Variants in NALF1 observed in about 807,000 individuals in gnomAD.
NALF1 encodes NALCN channel auxiliary factor 1.
NALF1 carries 3 observed loss-of-function variants against 48.4 expected under a neutral mutation model. The ratio of observed to expected loss-of-function variants is 0.06; its 90% CI spans 0.03 to 0.16. The LOEUF (loss-of-function observed/expected upper bound fraction) is 0.16. Ranked by LOEUF, NALF1 falls within the 10% of genes least tolerant of loss-of-function variation. The probability of loss-of-function intolerance (pLI) is 1.00; values close to 1 mark genes in which losing one functional copy is unlikely to be tolerated. For synonymous variants in NALF1, 262 were observed against 245.7 expected (o/e 1.07, Z -0.62); for missense variants, 526 against 571.5 (o/e 0.92, Z 0.81).
Position 107,650,144 on chromosome 13 carries a change from A to G in NALF1, c.915+215538T>C, listed in dbSNP as rs535649214. 3.3e-5 allele frequency among the ~76,000 whole-genome samples: 5 copies of G among 152,206 alleles called. No homozygotes were observed. In the East Asian group the frequency reaches 9.7e-4, roughly 29 times the overall value. ...GTTTTTGTCCCTGGTGGCATATCCT[A>G]CACTGTCATTAATGATATAGTTTCG... On this transcript the variant is annotated intron_variant, in intron 1 of 2. Coordinates refer to ENST00000375915, the MANE Select transcript of NALF1 (RefSeq NM_001080396.3).
At chr13:107,650,478 G>A (rs1371524923) in intron 1 of NALF1, among the ~76,000 whole-genome samples, 2 of 151,324 alleles carry the variant, frequency 1.3e-5, no homozygotes, top group Admixed American at 6.6e-5. Context: ...GAAGTAACTC[G>A]GGAAGGGAAA....
intron 2 of NALF1, among the ~76,000 whole-genome samples, chr13:107,181,150 A>G (rs895644176): frequency 6.6e-6 from 1 of 151,616 alleles, no homozygotes; most frequent in African/African-American, 2.4e-5. Flanking sequence ...TGTATTATCA[A>G]AGATACAACT....
intron 1 of NALF1, among the ~76,000 whole-genome samples, chr13:107,325,851 C>CATAT (rs1409352115): frequency 0.017 from 857 of 51,114 alleles, 6 homozygotes; most frequent in African/African-American, 0.04. Context: ...AACACACACA[C>CATAT]ACACATATAT....
chr13:107,776,498 A>G (rs567637523), intron 1 of NALF1, among the ~76,000 whole-genome samples: 139 of 152,348 alleles, frequency 9.1e-4, no homozygotes, highest in Middle Eastern at 3.4e-3. Flanking sequence ...AACGCGGTGA[A>G]CACTATCACT....
chr13:107,174,806 C>T (rs1160275912), intron 2 of NALF1, among the ~76,000 whole-genome samples: 1 of 151,922 alleles, frequency 6.6e-6, no homozygotes, highest in Non-Finnish European at 1.5e-5. Flanking sequence ...TGGAGTTGTG[C>T]ATGGAATCCT....
At chr13:107,370,827 G>A (rs1210320927) in intron 1 of NALF1, among the ~76,000 whole-genome samples, 4 of 152,152 alleles carry the variant, frequency 2.6e-5, no homozygotes, top group African/African-American at 4.8e-5. Flanking sequence ...ATGCAAACAC[G>A]TCCTTCTTCA....
chr13:107,607,990 T>C (rs975659063), intron 1 of NALF1, among the ~76,000 whole-genome samples: 16 of 152,236 alleles, frequency 1.1e-4, no homozygotes, highest in Admixed American at 5.2e-4. Context: ...AGCACCTCTA[T>C]GTGAAACTCT....
At chr13:107,514,918 C>T (rs934520268) in intron 1 of NALF1, among the ~76,000 whole-genome samples, 1 of 152,138 alleles carries the variant, frequency 6.6e-6, no homozygotes, top group Non-Finnish European at 1.5e-5. Flanking sequence ...CAGATCTGAC[C>T]TTTGTTTATT....
intron 1 of NALF1, among the ~76,000 whole-genome samples, chr13:107,236,321 G>T (rs1427028749): frequency 1.3e-5 from 2 of 152,134 alleles, no homozygotes; most frequent in Non-Finnish European, 2.9e-5. Context: ...AAAGCAGGGA[G>T]CCTCAATCTC....
At chr13:107,486,741 T>C (rs1394027736) in intron 1 of NALF1, among the ~76,000 whole-genome samples, 1 of 152,158 alleles carries the variant, frequency 6.6e-6, no homozygotes, top group Non-Finnish European at 1.5e-5. Context: ...CAAAAATGAG[T>C]GTGGCCTCTC....
intron 1 of NALF1, among the ~76,000 whole-genome samples, chr13:107,444,995 A>T (rs1330335420): frequency 6.6e-6 from 1 of 152,186 alleles, no homozygotes; most frequent in East Asian, 1.9e-4. Flanking sequence ...ATTCCATGAG[A>T]CGTTCTTTCA....
At chr13:107,441,463 C>T (rs1029182895) in intron 1 of NALF1, among the ~76,000 whole-genome samples, 1 of 151,940 alleles carries the variant, frequency 6.6e-6, no homozygotes, top group Admixed American at 6.6e-5. Context: ...TGAGTAATAC[C>T]GAAGAAGTGT....
At chr13:107,678,229 G>C (rs1881183225) in intron 1 of NALF1, among the ~76,000 whole-genome samples, 1 of 152,166 alleles carries the variant, frequency 6.6e-6, no homozygotes, top group Non-Finnish European at 1.5e-5. Context: ...TCCACAGACA[G>C]GAGGACATGG....
At position 107,169,499 on chromosome 13, in the gene NALF1, CA is replaced by C. The variant is rs1292688626; in HGVS notation, c.*997del. 1 of 152,118 alleles carries C rather than the reference CA, an allele frequency of 6.6e-6. No homozygotes were observed. Among genetic ancestry groups the C allele is most frequent in the Non-Finnish European group, 1.5e-5 (1 of 68,028 alleles). 9.4% of individuals were successfully genotyped at this position (152,118 alleles called of 1,614,324 possible). The stretch of plus-strand genomic sequence containing the variant: ...CAGAACAAAAATCACAATGAAAGCC[CA>C]CCTTCATTGTCAAAAGAAAAACTTC... On this transcript the variant is annotated 3_prime_UTR_variant, in exon 3 of 3. Coordinates refer to ENST00000375915, the MANE Select transcript of NALF1 (RefSeq NM_001080396.3).
At chr13:107,308,003 T>C (rs1881970621) in intron 1 of NALF1, among the ~76,000 whole-genome samples, 1 of 152,120 alleles carries the variant, frequency 6.6e-6, no homozygotes, top group Non-Finnish European at 1.5e-5. Flanking sequence ...GCATTAACGC[T>C]GTCATGATTA....
chr13:107,596,266 T>C (rs1038148293), intron 1 of NALF1, among the ~76,000 whole-genome samples: 1 of 152,210 alleles, frequency 6.6e-6, no homozygotes, highest in Non-Finnish European at 1.5e-5. Flanking sequence ...AGTGTGGCGA[T>C]TCCTCAAGGA....
chr13:107,450,202 A>G (rs1884716885), intron 1 of NALF1, among the ~76,000 whole-genome samples: 2 of 152,154 alleles, frequency 1.3e-5, no homozygotes, highest in South Asian at 4.1e-4. Flanking sequence ...AAGAGTGGCC[A>G]GAAGCTAGAC....
At chr13:107,263,997 C>G (rs1880988944) in intron 1 of NALF1, among the ~76,000 whole-genome samples, 1 of 152,120 alleles carries the variant, frequency 6.6e-6, no homozygotes, top group South Asian at 2.1e-4. Context: ...GGAATTGTGG[C>G]CAGCTTTAAT....
intron 1 of NALF1, among the ~76,000 whole-genome samples, chr13:107,391,562 G>T (rs1883627438): frequency 1.3e-5 from 2 of 151,974 alleles, no homozygotes; most frequent in South Asian, 4.2e-4. Flanking sequence ...ACCCTTTTAG[G>T]TCTGATAAGA....
Sources: allele counts gnomAD v4.1 joint callset (sites outside exome capture counted in the v4.1 genomes callset), GRCh38; gene constraint gnomAD v4.1.1; transcripts MANE v1.5; gene names NCBI Gene and HGNC (gene_info 2026-07-23, HGNC 2026-07-21).